CEMIP2: variants seen among roughly 807,000 people sequenced by gnomAD.
The protein encoded by CEMIP2 is cell surface hyaluronidase CEMIP2.
Under a neutral mutation model 146.9 loss-of-function variants are expected in CEMIP2, and 79 were observed. That is an observed-to-expected ratio of 0.54 (90% confidence interval 0.45 to 0.65). The LOEUF (loss-of-function observed/expected upper bound fraction) is 0.65, where lower values mean the gene tolerates loss of function less well. CEMIP2 is among the 30% of genes least tolerant of loss of function. The pLI is 0.00. For synonymous variants in CEMIP2, 601 were observed against 606.3 expected (o/e 0.99, Z 0.13); for missense variants, 1,596 against 1,696.2 (o/e 0.94, Z 1.04).
chr9:71,762,046 A>C (rs66978424), intron 1 of CEMIP2, among the ~76,000 whole-genome samples: 14 of 53,138 alleles, frequency 2.6e-4, no homozygotes, highest in African/African-American at 5.2e-4. Flanking sequence ...TATGGGAGGG[A>C]GGGGAGGGTG....
rs747511421 is a variant in CEMIP2 at position 71,722,462 on chromosome 9, G to C, written c.2232C>G (p.Asp744Glu). The C allele has an allele frequency of 1.2e-6, 2 of 1,613,762 alleles. No individual in the cohort carries two copies. Among genetic ancestry groups the C allele is most frequent in the Non-Finnish European group, 1.7e-6 (2 of 1,179,854 alleles). Residue 744 changes from aspartate to glutamate, a missense_variant, in exon 12 of 24, where the codon GAC becomes GAG. Transcript: ENST00000377044. ...TGTCCAAACAGAGGTATTCCCTTGG[G>C]TCAGCAGCACTAGAGTTGGTTGTTT... ...GVKTTNSSAA[D>E]PREYLCLDNS...
chr9:71,751,743 A>G (rs1824260885), intron 1 of CEMIP2, among the ~76,000 whole-genome samples: 1 of 152,146 alleles, frequency 6.6e-6, no homozygotes, highest in Admixed American at 6.5e-5. Flanking sequence ...CTAAAAGTCC[A>G]TGTGTCATGA....
At chr9:71,686,911 CTATT>C (rs1822078178) in intron 22 of CEMIP2, 1 of 152,066 alleles carries the variant, frequency 6.6e-6, no homozygotes, top group South Asian at 2.1e-4. Context: ...GTTCTATTAT[CTATT>C]TATTAAATAA....
intron 12 of CEMIP2, among the ~76,000 whole-genome samples, chr9:71,721,879 C>A (rs1158615171): frequency 1.3e-5 from 2 of 152,158 alleles, no homozygotes; most frequent in Non-Finnish European, 2.9e-5. Flanking sequence ...AAATGCTGAT[C>A]CATACCTAAT....
chr9:71,740,366 G>A (rs1024283149), intron 4 of CEMIP2, 134 bp from the exon 5 acceptor site: 3 of 1,076,984 alleles, frequency 2.8e-6, no homozygotes, highest in Non-Finnish European at 4.0e-6. Flanking sequence ...TTTTCTATAT[G>A]AGGCTGCAGT....
intron 6 of CEMIP2, among the ~76,000 whole-genome samples, chr9:71,733,838 T>C (rs959580320): frequency 2.6e-5 from 4 of 151,810 alleles, no homozygotes; most frequent in African/African-American, 9.7e-5. Flanking sequence ...TAAGAATTTC[T>C]TTGTGTAGTC....
rs1305203340 is a variant in CEMIP2 at position 71,683,497 on chromosome 9, C to T, written c.*1700G>A. 6.2e-5 allele frequency: 9 copies of T among 144,992 alleles called. No individual in the cohort carries two copies. Among genetic ancestry groups the T allele is most frequent in the Non-Finnish European group, 1.2e-4 (8 of 66,988 alleles). 9.0% of individuals were successfully genotyped at this position (144,992 alleles called of 1,614,324 possible). ...AAAGAACCAAGCTCTAAAAAACACA[C>T]GTAAAGATATTTAAGTCATAAAACA... On this transcript the variant is annotated 3_prime_UTR_variant, in exon 24 of 24. Coordinates refer to ENST00000377044, the MANE Select transcript of CEMIP2 (RefSeq NM_013390.3).
At position 71,714,073 on chromosome 9, in the gene CEMIP2, G is replaced by A. The variant is rs563483622; in HGVS notation, c.2591+861C>T. On this transcript the variant is annotated intron_variant, in intron 15 of 23. Coordinates refer to ENST00000377044, the MANE Select transcript of CEMIP2 (RefSeq NM_013390.3). ...CCAGAAAATAGTACAGCTCTCCCCC[G>A]AGTCCTCACTCTGCGCCACCACTCC... Among the ~76,000 whole-genome samples the A allele has an allele frequency of 1.2e-4, 19 of 152,142 alleles. No individual in the cohort carries two copies. The East Asian group carries it at 2.7e-3, about 22-fold the overall frequency.
intron 11 of CEMIP2, among the ~76,000 whole-genome samples, chr9:71,722,886 T>C (rs772553074): frequency 6.6e-6 from 1 of 151,974 alleles, no homozygotes; most frequent in Non-Finnish European, 1.5e-5. Context: ...CAGATGAGGT[T>C]TGAGCAGAAA....
intron 12 of CEMIP2, among the ~76,000 whole-genome samples, chr9:71,719,842 C>A (rs1191472538): frequency 7.8e-4 from 73 of 93,182 alleles, no homozygotes; most frequent in African/African-American, 1.7e-3. Context: ...TAAACGAAAG[C>A]AAAAAAAAAA....
Position 71,746,250 on chromosome 9 carries a change from G to A in CEMIP2, c.423C>T (p.Leu141=), listed in dbSNP as rs2132009986. Residue 141 remains leucine (L), a synonymous_variant, in exon 3 of 24, where the codon CTC becomes CTT. Transcript: ENST00000377044. The part of the protein sequence containing the change: ...KQVVIKEGDM[L]RLTSDATVHS... ...GCACGGTGGCGTCTGAGGTCAGACGGAGCATATCTCCCTCCTTGATAACAA... is the reference window on the plus strand; with the variant it reads ...GCACGGTGGCGTCTGAGGTCAGACGAAGCATATCTCCCTCCTTGATAACAA... 6.2e-7 allele frequency: 1 copy of A among 1,613,966 alleles called. No homozygotes were observed. The highest frequency in any genetic ancestry group is 8.5e-7 in the Non-Finnish European group (1 of 1,179,884).
At chr9:71,706,206 G>T (rs1226532923) in intron 17 of CEMIP2, among the ~76,000 whole-genome samples, 1 of 145,422 alleles carries the variant, frequency 6.9e-6, no homozygotes, top group East Asian at 2.0e-4. Flanking sequence ...TCCAGCCTGG[G>T]TAACAAAAAC....
At chr9:71,696,164 T>C (rs892144843) in intron 20 of CEMIP2, among the ~76,000 whole-genome samples, 3 of 152,186 alleles carry the variant, frequency 2.0e-5, no homozygotes, top group African/African-American at 7.2e-5. Flanking sequence ...CAATGTTAAT[T>C]AAATTATTTT....
intron 21 of CEMIP2, among the ~76,000 whole-genome samples, chr9:71,693,160 T>C (rs1401563515): frequency 1.3e-5 from 2 of 152,234 alleles, no homozygotes; most frequent in Admixed American, 1.3e-4. Context: ...TTTAATTTTC[T>C]CCACATATAT....
intron 2 of CEMIP2, among the ~76,000 whole-genome samples, chr9:71,749,583 G>A (rs1215575555): frequency 6.6e-6 from 1 of 152,044 alleles, no homozygotes; most frequent in Non-Finnish European, 1.5e-5. Flanking sequence ...GCACTTGCCT[G>A]TAGTCCCAGC....
intron 13 of CEMIP2, 57 bp from the exon 14 acceptor site, chr9:71,716,609 G>A: frequency 2.2e-6 from 3 of 1,368,068 alleles, no homozygotes; most frequent in Non-Finnish European, 3.0e-6. Flanking sequence ...GTAAAAAGAG[G>A]TAATTCTCTC....
At chr9:71,704,051 T>C (rs953226268) in intron 18 of CEMIP2, among the ~76,000 whole-genome samples, 1 of 152,210 alleles carries the variant, frequency 6.6e-6, no homozygotes, top group African/African-American at 2.4e-5. Context: ...AAATCAATTA[T>C]AAAAATAGCC....
rs567644738 is a variant in CEMIP2 at position 71,683,402 on chromosome 9, C to T, written c.*1795G>A. 1.2e-4 allele frequency: 18 copies of T among 151,972 alleles called. No individual in the cohort carries two copies. The South Asian group carries it at 3.6e-3, about 30-fold the overall frequency. 9.4% of individuals were successfully genotyped at this position (151,972 alleles called of 1,614,324 possible). On this transcript the variant is annotated 3_prime_UTR_variant, in exon 24 of 24. Transcript: ENST00000377044. ...CACACATATTTTTATTTAACTTAGG[C>T]CCTGATTATTAGTATATAAAACAGA...
At position 71,709,309 on chromosome 9, in the gene CEMIP2, C is replaced by T; in HGVS notation, c.2935G>A (p.Val979Ile). Residue 979 changes from valine (V) to isoleucine (I), a missense_variant, in exon 17 of 24, where the codon GTA (valine) becomes ATA (isoleucine). Coordinates refer to ENST00000377044, the MANE Select transcript of CEMIP2 (RefSeq NM_013390.3). The stretch of plus-strand genomic sequence containing the variant: ...ACTGCATTCCACTTAGACACATTTA[C>T]ACAGCTTGGATGGCGGATCAGGTAG... Reference protein sequence around the residue: ...DNYLIRHPSCVNVSKWNAVIC... With the variant: ...DNYLIRHPSCINVSKWNAVIC... 6.2e-7 allele frequency: 1 copy of T among 1,614,208 alleles called. No individual in the cohort carries two copies. The highest frequency in any genetic ancestry group is 2.2e-5 in the East Asian group (1 of 44,876).
Sources: gnomAD v4.1 joint callset for allele counts (sites outside exome capture counted in the v4.1 genomes callset) on GRCh38, gnomAD v4.1.1 for gene constraint, MANE v1.5 for transcripts, NCBI Gene and HGNC (gene_info 2026-07-23, HGNC 2026-07-21) for gene names.